DDX42: variants seen among roughly 807,000 people sequenced by gnomAD.
The protein encoded by DDX42 is DEAD-box helicase 42, also known as ATP-dependent RNA helicase DDX42.
DDX42 carries 22 observed loss-of-function variants against 101.5 expected under a neutral mutation model. The observed-to-expected ratio is 0.22, with a 90% CI of 0.15 to 0.31. The LOEUF is 0.31. Among genes scored for constraint, DDX42 ranks in the 10% least tolerant of loss-of-function variants. DDX42 has a pLI of 1.00. For synonymous variants in DDX42, 402 were observed against 401.2 expected (o/e 1.00, Z -0.02); for missense variants, 849 against 1,199.9 (o/e 0.71, Z 4.32).
intron 2 of DDX42, among the ~76,000 whole-genome samples, chr17:63,789,226 C>T (rs561554664): frequency 1.3e-5 from 2 of 151,466 alleles, no homozygotes; most frequent in East Asian, 2.0e-4. Context: ...TTACAGGTGC[C>T]TGCCACCACA....
At chr17:63,799,269 T>C (rs1208060872) in intron 4 of DDX42, among the ~76,000 whole-genome samples, 1 of 152,214 alleles carries the variant, frequency 6.6e-6, no homozygotes, top group Non-Finnish European at 1.5e-5. Context: ...CCGCATTGTT[T>C]GTTGTATGGA....
intron 4 of DDX42, among the ~76,000 whole-genome samples, chr17:63,798,365 G>C (rs1263423537): frequency 6.6e-6 from 1 of 152,212 alleles, no homozygotes; most frequent in Non-Finnish European, 1.5e-5. Context: ...ATGAATTATA[G>C]TAGAGTTTAG....
At position 63,817,783 on chromosome 17, in the gene DDX42, A is replaced by C; in HGVS notation, c.2202A>C (p.Ala734=). 6.2e-7 allele frequency: 1 copy of C among 1,614,242 alleles called. No homozygotes were observed. Among genetic ancestry groups the C allele is most frequent in the Non-Finnish European group, 8.5e-7 (1 of 1,180,034 alleles). ...SAAGASGWTS[A]GSLNSVPTNS... ...CTGGGGCAAGTGGGTGGACTAGTGC[A>C]GGGAGCTTGAATTCTGTTCCAACTA... Residue 734 remains alanine (A), a synonymous_variant, in exon 18 of 18, where the codon GCA becomes GCC. Coordinates refer to ENST00000389924, the MANE Select transcript of DDX42 (RefSeq NM_203499.3).
At chr17:63,789,326 G>T (rs560664413) in intron 2 of DDX42, among the ~76,000 whole-genome samples, 1 of 151,822 alleles carries the variant, frequency 6.6e-6, no homozygotes, top group Admixed American at 6.6e-5. Flanking sequence ...TGATCCACCC[G>T]CCTCAGCCTC....
At chr17:63,797,630 C>A (rs2039709821) in intron 3 of DDX42, among the ~76,000 whole-genome samples, 1 of 152,196 alleles carries the variant, frequency 6.6e-6, no homozygotes, top group African/African-American at 2.4e-5. Flanking sequence ...TGCCTAGGGG[C>A]AAAATTGTCC....
At chr17:63,807,163 C>T (rs1278263675) in intron 8 of DDX42, among the ~76,000 whole-genome samples, 1 of 151,968 alleles carries the variant, frequency 6.6e-6, no homozygotes, top group Non-Finnish European at 1.5e-5. Flanking sequence ...TTTTTGGGGA[C>T]AGAGTCTCAC....
At chr17:63,799,531 T>C in intron 4 of DDX42, 58 bp from the exon 5 acceptor site, 1 of 1,597,852 alleles carries the variant, frequency 6.3e-7, no homozygotes, top group South Asian at 1.1e-5. Flanking sequence ...GCTGTAAGTA[T>C]GGAGCTGGGT....
chr17:63,790,213 A>G (rs1181792292), intron 2 of DDX42, among the ~76,000 whole-genome samples: 2 of 152,242 alleles, frequency 1.3e-5, no homozygotes, highest in African/African-American at 2.4e-5. Context: ...ATATGTGTAT[A>G]TATGTATGCT....
intron 4 of DDX42, 101 bp from the exon 5 acceptor site, chr17:63,799,488 G>A (rs750821719): frequency 7.8e-7 from 1 of 1,289,348 alleles, no homozygotes; most frequent in South Asian, 1.3e-5. Context: ...AGTGTTGAGA[G>A]TTCCTGTGCT....
chr17:63,803,711 A>G (rs1160348411), intron 6 of DDX42, among the ~76,000 whole-genome samples: 1 of 148,214 alleles, frequency 6.7e-6, no homozygotes, highest in Admixed American at 6.7e-5. Flanking sequence ...CAGTGACGCA[A>G]CCTTGGCTCA....
At chr17:63,780,605 TC>T (rs2144523254) in intron 1 of DDX42, among the ~76,000 whole-genome samples, 1 of 152,280 alleles carries the variant, frequency 6.6e-6, no homozygotes, top group African/African-American at 2.4e-5. Flanking sequence ...AAAGCACAGT[TC>T]CTTGGCCTTC....
At chr17:63,800,364 A>C in intron 5 of DDX42, 104 bp from the exon 6 acceptor site, 1 of 1,044,948 alleles carries the variant, frequency 9.6e-7, no homozygotes, top group Non-Finnish European at 1.4e-6. Flanking sequence ...CTTGGTAGGT[A>C]TGTTAACTGT....
At chr17:63,801,255 A>C (rs2039765637) in intron 6 of DDX42, among the ~76,000 whole-genome samples, 1 of 152,088 alleles carries the variant, frequency 6.6e-6, no homozygotes, top group Non-Finnish European at 1.5e-5. Flanking sequence ...GGGTTTTGCC[A>C]TGTTGGCCAG....
intron 15 of DDX42, among the ~76,000 whole-genome samples, chr17:63,815,220 A>G (rs2039962303): frequency 6.6e-6 from 1 of 152,230 alleles, no homozygotes; most frequent in East Asian, 1.9e-4. Flanking sequence ...TGGTTTGAGA[A>G]ATAAAATATA....
chr17:63,787,829 A>G (rs2039565445), intron 2 of DDX42, among the ~76,000 whole-genome samples: 1 of 152,078 alleles, frequency 6.6e-6, no homozygotes. Flanking sequence ...CGACAGAGCA[A>G]GACTCCCATC....
Position 63,790,054 on chromosome 17 carries a change from G to A in DDX42, c.222-2358G>A, listed in dbSNP as rs974363880. Among the ~76,000 whole-genome samples, 10 of 152,172 alleles carry A rather than the reference G, an allele frequency of 6.6e-5. No individual in the cohort carries two copies. In the East Asian group the frequency reaches 1.5e-3, roughly 24 times the overall value. On this transcript the variant is annotated intron_variant, in intron 2 of 17. Transcript: ENST00000389924. Reference sequence around the variant, plus strand: ...CACACTATATACAGGAGGCAGAGGTGGAAAGACTGCTTGAGCCCAGGAGTC... The same window carrying A: ...CACACTATATACAGGAGGCAGAGGTAGAAAGACTGCTTGAGCCCAGGAGTC...
intron 3 of DDX42, among the ~76,000 whole-genome samples, chr17:63,796,656 C>A (rs751306792): frequency 1.4e-4 from 22 of 152,176 alleles, no homozygotes; most frequent in Non-Finnish European, 2.8e-4. Flanking sequence ...TTTTCTAGTG[C>A]TTGAACTAGA....
chr17:63,788,844 C>G (rs2039583557), intron 2 of DDX42, among the ~76,000 whole-genome samples: 1 of 152,000 alleles, frequency 6.6e-6, no homozygotes, highest in Non-Finnish European at 1.5e-5. Flanking sequence ...CTATTATTTC[C>G]AAGCTGATTG....
chr17:63,816,821 C>G, intron 16 of DDX42, 47 bp from the exon 17 acceptor site: 1 of 1,513,640 alleles, frequency 6.6e-7, no homozygotes, highest in East Asian at 2.3e-5. Flanking sequence ...TAGCAGTGAG[C>G]TTTCCTGCTT....
Sources: allele counts gnomAD v4.1 joint callset (sites outside exome capture counted in the v4.1 genomes callset), GRCh38; gene constraint gnomAD v4.1.1; transcripts MANE v1.5; gene names NCBI Gene and HGNC (gene_info 2026-07-23, HGNC 2026-07-21).